ABCA6: variants seen among roughly 807,000 people sequenced by gnomAD.
ABCA6 encodes ATP binding cassette subfamily A member 6, also known as ATP-binding cassette sub-family A member 6.
Under a neutral mutation model 191.2 loss-of-function variants are expected in ABCA6, and 164 were observed. The ratio of observed to expected loss-of-function variants is 0.86; its 90% CI spans 0.76 to 0.98. The LOEUF (loss-of-function observed/expected upper bound fraction) is 0.98, where lower values mean the gene tolerates loss of function less well. ABCA6 is among the 50% of genes least tolerant of loss of function. ABCA6 has a pLI of 0.00. For synonymous variants in ABCA6, 636 were observed against 647.7 expected, an observed-to-expected ratio of 0.98 and a Z score of 0.27; for missense variants, 1,958 against 1,894.1, an observed-to-expected ratio of 1.03 and a Z score of -0.63.
At position 69,129,886 on chromosome 17, in the gene ABCA6, C is replaced by G. The variant is rs1568033425; in HGVS notation, c.792-135G>C. On this transcript the variant is annotated intron_variant, in intron 6 of 38. Coordinates refer to ENST00000284425, the MANE Select transcript of ABCA6 (RefSeq NM_080284.3). The stretch of plus-strand genomic sequence containing the variant: ...ATTAATAACTATACTGTTAATCCTA[C>G]AGCAGAAGCTCATTGCATATCCTTT... The G allele has an allele frequency of 5.8e-5, 36 of 619,100 alleles. No individual in the cohort carries two copies. In the East Asian group the frequency reaches 1.1e-3, roughly 19 times the overall value. 38.4% of individuals were successfully genotyped at this position (619,100 alleles called of 1,614,324 possible). A position where few individuals can be genotyped will look rare whatever the true frequency, so the allele number is the denominator to read the frequency against.
intron 6 of ABCA6, among the ~76,000 whole-genome samples, chr17:69,132,508 T>A (rs1176563525): frequency 6.6e-6 from 1 of 152,132 alleles, no homozygotes; most frequent in East Asian, 1.9e-4. Flanking sequence ...TTTTATGGAG[T>A]CTCACTCTGT....
chr17:69,140,833 A>G, intron 1 of ABCA6, 85 bp from the exon 2 acceptor site: 1 of 447,832 alleles, frequency 2.2e-6, no homozygotes, highest in South Asian at 6.6e-5. Flanking sequence ...GTAAACATGA[A>G]TTTAAAATAT....
In ABCA6 at chr17:69,115,445, G is replaced by C. The variant is rs1316645817; in HGVS notation, c.1537C>G (p.Leu513Val). 1 of 1,611,750 alleles carries C rather than the reference G, an allele frequency of 6.2e-7. No individual in the cohort carries two copies. Among genetic ancestry groups the C allele is most frequent in the Admixed American group, 1.7e-5 (1 of 59,842 alleles). Residue 513 changes from leucine to valine, a missense_variant, in exon 12 of 39, where the codon CTG (leucine) becomes GTG (valine). Leu to Val is a conservative substitution (Grantham distance 32). Transcript: ENST00000284425. ...DIYEGQITAI[L>V]GHSGAGKSSL... Reference sequence around the variant, plus strand: ...GATTTGCCAGCTCCACTGTGACCCAGGATTGCCGTGATTTGACCTTCATAT... The same window carrying C: ...GATTTGCCAGCTCCACTGTGACCCACGATTGCCGTGATTTGACCTTCATAT...
In ABCA6 at chr17:69,082,919, G is replaced by C; in HGVS notation, c.4570C>G (p.His1524Asp). Residue 1524 changes from histidine to aspartate, a missense_variant, in exon 36 of 39, where the codon CAC (histidine) becomes GAC (aspartate). Coordinates refer to ENST00000284425, the MANE Select transcript of ABCA6 (RefSeq NM_080284.3). ...GGGAAAAGCTTCAGAATCTCAGTGTGGACCAAAGTCACTTGAGACGTTTCC... is the reference window on the plus strand; with the variant it reads ...GGGAAAAGCTTCAGAATCTCAGTGTCGACCAAAGTCACTTGAGACGTTTCC... Reference protein sequence around the residue: ...VKETSQVTLVHTEILKLFPQA... With the variant: ...VKETSQVTLVDTEILKLFPQA... 3 of 1,614,170 alleles carry C rather than the reference G, an allele frequency of 1.9e-6. No homozygotes were observed. Among genetic ancestry groups the C allele is most frequent in the Non-Finnish European group, 2.5e-6 (3 of 1,180,006 alleles).
intron 11 of ABCA6, among the ~76,000 whole-genome samples, chr17:69,117,189 T>C (rs1449059832): frequency 6.6e-6 from 1 of 152,066 alleles, no homozygotes; most frequent in Non-Finnish European, 1.5e-5. Flanking sequence ...CTGTATTTAT[T>C]AGAAAATACA....
chr17:69,118,701 T>A (rs575081536), intron 10 of ABCA6, among the ~76,000 whole-genome samples: 2 of 152,238 alleles, frequency 1.3e-5, no homozygotes, highest in Non-Finnish European at 2.9e-5. Context: ...TTCTAAATGT[T>A]CCTTCTCTGT....
chr17:69,082,848 C>T, intron 36 of ABCA6, 25 bp downstream of exon 36: 2 of 1,613,746 alleles, frequency 1.2e-6, no homozygotes, highest in Non-Finnish European at 1.7e-6. Context: ...CTCCATATTT[C>T]TCCATAATCA....
chr17:69,132,459 TG>T (rs2073880171), intron 6 of ABCA6, among the ~76,000 whole-genome samples: 1 of 152,134 alleles, frequency 6.6e-6, no homozygotes. Flanking sequence ...GTTTTGTTTT[TG>T]TTTTTGTTTG....
At chr17:69,079,880 A>C (rs1347412997) in intron 37 of ABCA6, among the ~76,000 whole-genome samples, 1 of 152,246 alleles carries the variant, frequency 6.6e-6, no homozygotes, top group Non-Finnish European at 1.5e-5. Context: ...ATATATGATA[A>C]AGTTAATGAT....
intron 18 of ABCA6, 91 bp from the exon 19 acceptor site, chr17:69,106,302 G>C: frequency 8.1e-7 from 1 of 1,242,174 alleles, no homozygotes; most frequent in Non-Finnish European, 1.1e-6. Context: ...ATTAAAAATA[G>C]TATTACATGG....
At chr17:69,136,499 T>C (rs2073950497) in intron 3 of ABCA6, among the ~76,000 whole-genome samples, 1 of 152,136 alleles carries the variant, frequency 6.6e-6, no homozygotes, top group African/African-American at 2.4e-5. Flanking sequence ...TTTAGGTACA[T>C]AAAGAAAAAA....
rs534627304 is a variant in ABCA6, at chr17:69,138,626, C to G, written c.97-1126G>C. On this transcript the variant is annotated intron_variant, in intron 2 of 38. Transcript: ENST00000284425. ...AGTTCATACGGAACCAAAAAAGAGC[C>G]CGCATCGCCAAGTCAATCCTAAGCC... Among the ~76,000 whole-genome samples the G allele has an allele frequency of 3.3e-5, 5 of 151,484 alleles. No homozygotes were observed. In the East Asian group the frequency reaches 9.7e-4, roughly 29 times the overall value.
chr17:69,084,963 A>G, intron 32 of ABCA6, 65 bp downstream of exon 32: 4 of 1,505,880 alleles, frequency 2.7e-6, no homozygotes, highest in Non-Finnish European at 3.5e-6. Flanking sequence ...TTATTAGTGA[A>G]TTCATCATCA....
At chr17:69,126,194 T>G (rs1452014765) in intron 8 of ABCA6, among the ~76,000 whole-genome samples, 1 of 152,154 alleles carries the variant, frequency 6.6e-6, no homozygotes, top group East Asian at 1.9e-4. Context: ...GCAAGAATGC[T>G]GGATAGAACG....
chr17:69,081,088 CTG>C lies in ABCA6; in HGVS notation c.4672_4673del (p.Gln1558AspfsTer11). 6.2e-7 allele frequency: 1 copy of C among 1,602,910 alleles called. No individual in the cohort carries two copies. Among genetic ancestry groups the C allele is most frequent in the Non-Finnish European group, 8.5e-7 (1 of 1,174,586 alleles). Reference sequence around the variant, plus strand: ...TACCTGCTTCTAATTTGTGAAAGGTCTGTGATAGAGGGTAAACGTCTGCCACG... The same window carrying C: ...TACCTGCTTCTAATTTGTGAAAGGTCTGATAGAGGGTAAACGTCTGCCACG... Reference protein sequence around the residue: ...LPVADVYPLSQTFHKLEAVKH... With the variant: ...LPVADVYPLSXTFHKLEAVKH... On this transcript the variant is annotated frameshift_variant, in exon 37 of 39. Coordinates refer to ENST00000284425, the MANE Select transcript of ABCA6 (RefSeq NM_080284.3). LOFTEE classifies it high-confidence loss of function.
chr17:69,113,856 A>G (rs9282555), intron 13 of ABCA6, 119 bp from the exon 14 acceptor site: 47,714 of 733,606 alleles, frequency 0.065, 2,016 homozygotes, highest in Admixed American at 0.15. Flanking sequence ...AATCAAAACC[A>G]CAATGAGATA....
chr17:69,125,302 C>A (rs963201615), intron 8 of ABCA6, among the ~76,000 whole-genome samples: 28 of 151,526 alleles, frequency 1.8e-4, no homozygotes, highest in Non-Finnish European at 3.1e-4. Context: ...TTCAGAAAAT[C>A]ATTGCAGTAT....
intron 8 of ABCA6, among the ~76,000 whole-genome samples, chr17:69,125,662 G>GTC (rs1363826868): frequency 6.6e-6 from 1 of 152,042 alleles, no homozygotes; most frequent in African/African-American, 2.4e-5. Flanking sequence ...AACAAAGAAA[G>GTC]TCTTACTCTT....
chr17:69,108,052 C>T, intron 17 of ABCA6: 1 of 422,298 alleles, frequency 2.4e-6, no homozygotes, highest in Non-Finnish European at 4.2e-6. Context: ...AGTTTATGAG[C>T]TTCCTGCAGA....
Sources: allele counts gnomAD v4.1 joint callset (sites outside exome capture counted in the v4.1 genomes callset), GRCh38; gene constraint gnomAD v4.1.1; transcripts MANE v1.5; gene names NCBI Gene and HGNC (gene_info 2026-07-23, HGNC 2026-07-21).